ADAP1: variants seen among roughly 807,000 people sequenced by gnomAD.
ADAP1 encodes ArfGAP with dual PH domains 1, also known as arf-GAP with dual PH domain-containing protein 1.
In ADAP1, 31 loss-of-function variants were observed where a neutral mutation model predicts 54.9. The ratio of observed to expected loss-of-function variants is 0.56; its 90% CI spans 0.42 to 0.76. The LOEUF (loss-of-function observed/expected upper bound fraction) is 0.76. Ranked by LOEUF, ADAP1 falls within the 30% of genes least tolerant of loss-of-function variation. The probability of loss-of-function intolerance (pLI) is 0.00; values close to 1 mark genes in which losing one functional copy is unlikely to be tolerated. For missense variants in ADAP1, 535 were observed against 512.4 expected, an observed-to-expected ratio of 1.04 and a Z score of -0.42; for synonymous variants, 313 against 202.6, an observed-to-expected ratio of 1.55 and a Z score of -4.63.
intron 5 of ADAP1, among the ~76,000 whole-genome samples, chr7:904,751 T>C (rs903426535): frequency 6.6e-6 from 1 of 152,232 alleles, no homozygotes; most frequent in Non-Finnish European, 1.5e-5. Context: ...AGGGGCTTTC[T>C]GGGGTCCTGG....
Position 929,060 on chromosome 7 carries a change from G to C in ADAP1, c.214-2416C>G, listed in dbSNP as rs28772653. Among the ~76,000 whole-genome samples the C allele has an allele frequency of 5.2e-3, 789 of 152,352 alleles. 7 individuals are homozygous for C. The highest frequency in any genetic ancestry group is 0.018 in the African/African-American group (737 of 41,578). ...TGTCATCCCAGCACTTCAGGAGGCAGAGGTGGGCAGATCACGAGGTCAGGA... is the reference window on the plus strand; with the variant it reads ...TGTCATCCCAGCACTTCAGGAGGCACAGGTGGGCAGATCACGAGGTCAGGA... On this transcript the variant is annotated intron_variant, in intron 2 of 10. Transcript: ENST00000265846.
chr7:899,520 A>G, intron 8 of ADAP1, 30 bp from the exon 9 acceptor site: 1 of 1,604,870 alleles, frequency 6.2e-7, no homozygotes, highest in South Asian at 1.1e-5. Flanking sequence ...CGTGACCGGC[A>G]GGTCGCCGAG....
In ADAP1 at chr7:905,410, AGG is replaced by A. The variant is rs368445366; in HGVS notation, c.389-240_389-239del. ...AGAAAGGAGAAAGGAGAAAGGAGAA[AGG>A]GAGAAAGAGAAAGGAGAAAGGAGAA... On this transcript the variant is annotated intron_variant, in intron 4 of 10. Transcript: ENST00000265846. 9.5e-4 allele frequency: 160 copies of A among 167,876 alleles called. 34 individuals are homozygous for A. Among genetic ancestry groups the A allele is most frequent in the South Asian group, 4.8e-3 (70 of 14,634 alleles). 10.4% of individuals were successfully genotyped at this position (167,876 alleles called of 1,614,324 possible).
intron 4 of ADAP1, among the ~76,000 whole-genome samples, chr7:906,492 GAAAGGAGAAAGGGAGAAAGGA>G (rs1562914406): frequency 2.6e-3 from 17 of 6,632 alleles, no homozygotes; most frequent in African/African-American, 0.015. Context: ...AGGAGAAAGG[GAAAGGAGAAAGGGAGAAAGGA>G]GAAAGGAGAA....
rs907013020 is a variant in ADAP1, at chr7:945,573, T to C, written c.82+8823A>G. On this transcript the variant is annotated intron_variant, in intron 1 of 10. Coordinates refer to ENST00000265846, the MANE Select transcript of ADAP1 (RefSeq NM_006869.4). This position sits in a 1 kb window ranked among gnomAD's most constrained non-coding sequence, Gnocchi z 4.2. The stretch of plus-strand genomic sequence containing the variant: ...GGTACACACTGGGCCCAAGGGTGGC[T>C]GCGGCATGGCTGATGTGGTGGTGGA... 7.2e-5 allele frequency among the ~76,000 whole-genome samples: 11 copies of C among 152,204 alleles called. No individual in the cohort carries two copies. The highest frequency in any genetic ancestry group is 2.7e-4 in the African/African-American group (11 of 41,466).
chr7:921,706 C>A (rs757839490), intron 3 of ADAP1, among the ~76,000 whole-genome samples: 5 of 152,206 alleles, frequency 3.3e-5, no homozygotes, highest in Non-Finnish European at 5.9e-5. Flanking sequence ...CTGAGCCGCT[C>A]CGGCTGTGTG....
intron 2 of ADAP1, among the ~76,000 whole-genome samples, chr7:932,571 G>T (rs1313149997): frequency 2.0e-5 from 3 of 152,200 alleles, no homozygotes; most frequent in African/African-American, 4.8e-5. Flanking sequence ...TTGGTCCCCT[G>T]TTGTCCGGGG....
chr7:909,445 G>A lies in ADAP1; in HGVS notation c.389-4273C>T, dbSNP rs1356028976. On this transcript the variant is annotated intron_variant, in intron 4 of 10. Transcript: ENST00000265846. ...GGAACCCCGGTCCTCCCGACAGCAGGCGCCAGGACGCCGCATTCCAGGGGC... is the reference window on the plus strand; with the variant it reads ...GGAACCCCGGTCCTCCCGACAGCAGACGCCAGGACGCCGCATTCCAGGGGC... 1.3e-5 allele frequency among the ~76,000 whole-genome samples: 2 copies of A among 152,170 alleles called. 1 individual carries two copies. Among genetic ancestry groups the A allele is most frequent in the Non-Finnish European group, 2.9e-5 (2 of 68,028 alleles).
chr7:937,193 G>A (rs1396911019), intron 1 of ADAP1, among the ~76,000 whole-genome samples: 1 of 91,452 alleles, frequency 1.1e-5, no homozygotes. Context: ...TGGGATTTGG[G>A]GGTCACGCCC....
At chr7:915,502 T>C (rs1408195472) in intron 4 of ADAP1, among the ~76,000 whole-genome samples, 2 of 152,194 alleles carry the variant, frequency 1.3e-5, no homozygotes. Flanking sequence ...GGCCAAGGCC[T>C]TGGGCTCCGA....
At chr7:903,976 C>A in intron 6 of ADAP1, 150 bp downstream of exon 6, 2 of 1,059,120 alleles carry the variant, frequency 1.9e-6, no homozygotes, top group Admixed American at 2.7e-5. Flanking sequence ...CGCCTTCCCA[C>A]GCTGCCCAGC....
chr7:899,795 G>T (rs1047532593), intron 8 of ADAP1, among the ~76,000 whole-genome samples: 1 of 152,134 alleles, frequency 6.6e-6, no homozygotes, highest in Non-Finnish European at 1.5e-5. Context: ...AGACTCCCAG[G>T]ATTTGTGTCT....
At chr7:916,978 A>T (rs13226347) in intron 4 of ADAP1, among the ~76,000 whole-genome samples, 2 of 34,904 alleles carry the variant, frequency 5.7e-5, no homozygotes, top group Non-Finnish European at 5.6e-5. Context: ...GGAGGTGCAC[A>T]GGAGGGGTGC....
At chr7:905,312 C>CAG (rs1554271646) in intron 4 of ADAP1, 140 bp from the exon 5 acceptor site, 4 of 255,928 alleles carry the variant, frequency 1.6e-5, no homozygotes, top group Non-Finnish European at 2.7e-5. Flanking sequence ...GGGAGACGGA[C>CAG]GGGGAGAGGG....
At position 901,546 on chromosome 7, in the gene ADAP1, C is replaced by G. The variant is rs73672459; in HGVS notation, c.649-930G>C. On this transcript the variant is annotated intron_variant, in intron 6 of 10. Coordinates refer to ENST00000265846, the MANE Select transcript of ADAP1 (RefSeq NM_006869.4). ...CGGCTTCTCCAGCTGGCACCCGGCC[C>G]AGCACCAGCTGGAGGATGGTGTAGC... 1,125 of 159,538 alleles carry G rather than the reference C, an allele frequency of 7.1e-3. 12 individuals are homozygous for G. Among genetic ancestry groups the G allele is most frequent in the Middle Eastern group, 0.019 (6 of 324 alleles). 9.9% of individuals were successfully genotyped at this position (159,538 alleles called of 1,614,324 possible).
chr7:955,190 A>G (rs1847356666), upstream of ADAP1: 1 of 1,032,812 alleles, frequency 9.7e-7, no homozygotes, highest in Non-Finnish European at 1.5e-6. Flanking sequence ...CCACCCACAG[A>G]TGGGACCCTC....
chr7:907,875 C>A (rs1208455662), intron 4 of ADAP1, among the ~76,000 whole-genome samples: 1 of 151,862 alleles, frequency 6.6e-6, no homozygotes, highest in Non-Finnish European at 1.5e-5. Context: ...CAGTGGGCGC[C>A]GCCTCTCCGG....
rs1447635794 is a variant in ADAP1, at chr7:917,058, G to A, written c.388+2910C>T. On this transcript the variant is annotated intron_variant, in intron 4 of 10. Coordinates refer to ENST00000265846, the MANE Select transcript of ADAP1 (RefSeq NM_006869.4). Reference sequence around the variant, plus strand: ...TGCCAGCTCTACCGGGGAGGTGCACGGGAGGGGGGCGCAGTGCCAGCTCTA... The same window carrying A: ...TGCCAGCTCTACCGGGGAGGTGCACAGGAGGGGGGCGCAGTGCCAGCTCTA... 2.6e-4 allele frequency among the ~76,000 whole-genome samples: 5 copies of A among 19,518 alleles called. No homozygotes were observed. The East Asian group carries it at 3.4e-3, about 13-fold the overall frequency. 12.8% of individuals were successfully genotyped at this position (19,518 alleles called of 152,430 possible).
In ADAP1 at chr7:900,674, ACAGAGGGG is replaced by A. The variant is rs1844754759; in HGVS notation, c.649-66_649-59del. 3.0e-6 allele frequency: 4 copies of A among 1,342,816 alleles called. No individual in the cohort carries two copies. In the African/African-American group the frequency reaches 4.4e-5, roughly 15 times the overall value. 83.2% of individuals were successfully genotyped at this position (1,342,816 alleles called of 1,614,324 possible). A position where few individuals can be genotyped will look rare whatever the true frequency, so the allele number is the denominator to read the frequency against. ...AGGAGGCTGCAGCGCTGGGGTCCCC[ACAGAGGGG>A]CTGGGGTCCCCACAGAGGGGCCGCT... On this transcript the variant is annotated intron_variant, in intron 6 of 10. Coordinates refer to ENST00000265846, the MANE Select transcript of ADAP1 (RefSeq NM_006869.4).
Sources: allele counts gnomAD v4.1 joint callset (sites outside exome capture counted in the v4.1 genomes callset), GRCh38; gene constraint gnomAD v4.1.1; non-coding constraint Gnocchi (gnomAD v3.1); transcripts MANE v1.5; gene names NCBI Gene and HGNC (gene_info 2026-07-23, HGNC 2026-07-21).